Variants in TNRC18 observed in about 807,000 individuals in gnomAD.
TNRC18 encodes trinucleotide repeat-containing gene 18 protein.
TNRC18 carries 69 observed loss-of-function variants against 226.7 expected under a neutral mutation model. The ratio of observed to expected loss-of-function variants is 0.30; its 90% CI spans 0.25 to 0.37. The LOEUF is 0.37. Among genes scored for constraint, TNRC18 ranks in the 10% least tolerant of loss-of-function variants. TNRC18 has a pLI of 1.00. For synonymous variants in TNRC18, 2,449 were observed against 1,927.6 expected (o/e 1.27, Z -7.09); for missense variants, 4,754 against 4,256.6 (o/e 1.12, Z -3.25).
intron 18 of TNRC18, among the ~76,000 whole-genome samples, chr7:5,336,484 C>G (rs1790129533): frequency 2.6e-5 from 4 of 152,032 alleles, no homozygotes; most frequent in Admixed American, 2.6e-4. Flanking sequence ...TGGCTCACAC[C>G]TATAATCCCG....
chr7:5,394,549 C>A lies in TNRC18; in HGVS notation c.234G>T (p.Ser78=), dbSNP rs768276442. The change falls in exon 3 of 30, where the codon TCG becomes TCT. Residue 78 remains serine, a synonymous_variant. Transcript: ENST00000430969. The surrounding 1 kb of genome is among the most constrained non-coding windows in gnomAD (Gnocchi z 4.5). ...GCACTGGGCTCCCATGGGACGAGGC[C>A]GAGGGCCCCATCCCGCTGGCCACAA... The part of the protein sequence containing the change: ...GSFVASGMGP[S]ASSHGSPVPL... The A allele has an allele frequency of 1.3e-6, 2 of 1,550,504 alleles. No individual in the cohort carries two copies. Among genetic ancestry groups the A allele is most frequent in the Non-Finnish European group, 1.7e-6 (2 of 1,149,270 alleles).
rs905642078 is a variant in TNRC18 at position 5,311,252 on chromosome 7, C to T, written c.8388+1251G>A. Among the ~76,000 whole-genome samples, 16 of 152,302 alleles carry T rather than the reference C, an allele frequency of 1.1e-4. No homozygotes were observed. The South Asian group carries it at 1.9e-3, about 18-fold the overall frequency. On this transcript the variant is annotated intron_variant, in intron 27 of 29. Transcript: ENST00000430969. Reference sequence around the variant, plus strand: ...AGTGCACTGTGTGCAAGTGTGTGTGCGTGTGTGTAGACAGCCACAGGCAGG... The same window carrying T: ...AGTGCACTGTGTGCAAGTGTGTGTGTGTGTGTGTAGACAGCCACAGGCAGG...
chr7:5,416,663 C>G (rs1782209179), intron 2 of TNRC18, among the ~76,000 whole-genome samples: 1 of 150,708 alleles, frequency 6.6e-6, no homozygotes, highest in Non-Finnish European at 1.5e-5. Context: ...TAAGACCAGC[C>G]TGGCCAACAC....
At chr7:5,320,085 A>T (rs940569984) in intron 24 of TNRC18, 14 of 512,152 alleles carry the variant, frequency 2.7e-5, no homozygotes, top group African/African-American at 2.1e-4. Flanking sequence ...CCAAGGAGCT[A>T]GTGTGAAGCC....
At position 5,395,890 on chromosome 7, in the gene TNRC18, G is replaced by A. The variant is rs914863323; in HGVS notation, c.188-1295C>T. Among the ~76,000 whole-genome samples, 7 of 152,210 alleles carry A rather than the reference G, an allele frequency of 4.6e-5. No individual in the cohort carries two copies. In the South Asian group the frequency reaches 6.2e-4, roughly 14 times the overall value. On this transcript the variant is annotated intron_variant, in intron 2 of 29. Transcript: ENST00000430969. ...CGGGCACCTGTAGTCCCAGCTACAC[G>A]GGAGGCTGAGGCAGGAGAATCGCTT... is the stretch of plus-strand genomic sequence containing the variant.
At chr7:5,407,738 G>A (rs1781571708) in intron 2 of TNRC18, among the ~76,000 whole-genome samples, 1 of 152,208 alleles carries the variant, frequency 6.6e-6, no homozygotes, top group Non-Finnish European at 1.5e-5. Context: ...TCTCAGCCTT[G>A]CCCCTAGGGC....
At chr7:5,359,251 G>C in intron 15 of TNRC18, 147 bp downstream of exon 15, 1 of 852,412 alleles carries the variant, frequency 1.2e-6, no homozygotes, top group Non-Finnish European at 1.9e-6. Flanking sequence ...AGGAAGATTG[G>C]AGAAGAGTCA....
At chr7:5,338,849 G>A (rs891988724) in intron 18 of TNRC18, among the ~76,000 whole-genome samples, 2 of 151,274 alleles carry the variant, frequency 1.3e-5, no homozygotes, top group South Asian at 4.2e-4. Flanking sequence ...GAACCCGGGA[G>A]GTGGAGGTTG....
chr7:5,418,873 C>A (rs748597277), intron 2 of TNRC18, among the ~76,000 whole-genome samples: 6 of 152,192 alleles, frequency 3.9e-5, no homozygotes, highest in Admixed American at 2.6e-4. Context: ...GGGATTAGCA[C>A]GGGCTTGGCT....
Position 5,388,496 on chromosome 7 carries a change from T to A in TNRC18, c.1328A>T (p.Asp443Val). 7.4e-7 allele frequency: 1 copy of A among 1,345,814 alleles called. No individual in the cohort carries two copies. Among genetic ancestry groups the A allele is most frequent in the South Asian group, 1.7e-5 (1 of 59,480 alleles). 83.4% of individuals were successfully genotyped at this position (1,345,814 alleles called of 1,614,324 possible). Reference sequence around the variant, plus strand: ...GCGTGTGGCCCGCACCGTGGGGGCATCCGCGGGGGGCGGCCGCTTGAGCGA... The same window carrying A: ...GCGTGTGGCCCGCACCGTGGGGGCAACCGCGGGGGGCGGCCGCTTGAGCGA... Reference protein sequence around the residue: ...IRSLKRPPPADAPTVRATRAS... With the variant: ...IRSLKRPPPAVAPTVRATRAS... Residue 443 changes from aspartate (D) to valine (V), a missense_variant, in exon 5 of 30, where the codon GAT (aspartate) becomes GTT (valine). By Grantham distance (152) the Asp-to-Val change is radical (BLOSUM62 -3). Transcript: ENST00000430969.
intron 18 of TNRC18, among the ~76,000 whole-genome samples, chr7:5,345,337 G>A (rs551066506): frequency 7.0e-4 from 107 of 152,316 alleles, no homozygotes; most frequent in Middle Eastern, 3.4e-3. Flanking sequence ...GACTGAAGGA[G>A]GTCGCCCTTT....
chr7:5,350,194 G>A (rs1791641566), intron 17 of TNRC18, among the ~76,000 whole-genome samples: 2 of 152,214 alleles, frequency 1.3e-5, no homozygotes, highest in Middle Eastern at 3.4e-3. Flanking sequence ...GGACAGCCCG[G>A]GCAGGGGGAG....
chr7:5,315,038 G>T lies in TNRC18; in HGVS notation c.6973C>A (p.Pro2325Thr). The T allele has an allele frequency of 1.2e-6, 2 of 1,609,146 alleles. No individual in the cohort carries two copies. The highest frequency in any genetic ancestry group is 2.7e-5 in the African/African-American group (2 of 74,898). ...CCACGCCCACGGGCCTTGGCTCCTG[G>T]CTCCTCCGACCCAGCCGTGCCACCA... Reference protein sequence around the residue: ...KDGGTAGSEEPGAKARGRGRK... With the variant: ...KDGGTAGSEETGAKARGRGRK... Residue 2325 changes from proline (P) to threonine (T), a missense_variant, in exon 26 of 30, where the codon CCA (proline) becomes ACA (threonine). Pro to Thr is a conservative substitution (Grantham distance 38). Coordinates refer to ENST00000430969, the MANE Select transcript of TNRC18 (RefSeq NM_001080495.3).
chr7:5,368,195 G>A (rs186325405), intron 11 of TNRC18, among the ~76,000 whole-genome samples: 12 of 152,160 alleles, frequency 7.9e-5, no homozygotes, highest in East Asian at 7.7e-4. Context: ...GCTTTAAGCC[G>A]GGTGCTCACG....
intron 19 of TNRC18, among the ~76,000 whole-genome samples, chr7:5,329,277 TG>T (rs925714305): frequency 1.3e-5 from 2 of 151,008 alleles, no homozygotes; most frequent in Non-Finnish European, 2.9e-5. Flanking sequence ...TACTCCAGTC[TG>T]GGCAGTAGGA....
chr7:5,413,342 TC>T (rs1781960532), intron 2 of TNRC18, among the ~76,000 whole-genome samples: 2 of 152,024 alleles, frequency 1.3e-5, no homozygotes, highest in African/African-American at 4.8e-5. Flanking sequence ...CACAAGTGGT[TC>T]GCACCCAAGC....
At chr7:5,409,224 G>C (rs1781682286) in intron 2 of TNRC18, among the ~76,000 whole-genome samples, 2 of 151,524 alleles carry the variant, frequency 1.3e-5, no homozygotes, top group African/African-American at 2.4e-5. Context: ...CAAGGTGAAA[G>C]AGAAAAGAGA....
In TNRC18 at chr7:5,332,903, T is replaced by C; in HGVS notation, c.5866A>G (p.Ser1956Gly). The C allele has an allele frequency of 6.5e-7, 1 of 1,535,070 alleles. No individual in the cohort carries two copies. The highest frequency in any genetic ancestry group is 1.2e-5 in the South Asian group (1 of 83,956). ...GCCAGCTTGGCCTTGTCTGGGCTGCTGGGGTCGGGACCGCGGGCGCCAGGC... is the reference window on the plus strand; with the variant it reads ...GCCAGCTTGGCCTTGTCTGGGCTGCCGGGGTCGGGACCGCGGGCGCCAGGC... ...PTPGARGPDP[S>G]SPDKAKLAVE... is the part of the protein sequence containing the mutation. The change falls in exon 19 of 30, where the codon AGC (serine) becomes GGC (glycine). Residue 1956 changes from serine (S) to glycine (G), a missense_variant. Coordinates refer to ENST00000430969, the MANE Select transcript of TNRC18 (RefSeq NM_001080495.3).
chr7:5,394,373 G>GA lies in TNRC18; in HGVS notation c.343+66dup. On this transcript the variant is annotated intron_variant, in intron 3 of 29. Transcript: ENST00000430969. The surrounding 1 kb of genome is among the most constrained non-coding windows in gnomAD (Gnocchi z 4.5). ...CAGCGATGACAACAGAGGGGCACAT[G>GA]AAGTGGCCAGAGTGGCTGGGACGTC... The GA allele has an allele frequency of 7.1e-7, 1 of 1,411,958 alleles. No homozygotes were observed. Among genetic ancestry groups the GA allele is most frequent in the Non-Finnish European group, 9.4e-7 (1 of 1,066,940 alleles). 87.5% of individuals were successfully genotyped at this position (1,411,958 alleles called of 1,614,324 possible).
Sources: allele counts gnomAD v4.1 joint callset (sites outside exome capture counted in the v4.1 genomes callset), GRCh38; gene constraint gnomAD v4.1.1; non-coding constraint Gnocchi (gnomAD v3.1); transcripts MANE v1.5; gene names NCBI Gene and HGNC (gene_info 2026-07-23, HGNC 2026-07-21).